NXPH2: variants seen among roughly 807,000 people sequenced by gnomAD.
NXPH2 encodes neurexophilin-2.
NXPH2 carries 5 observed loss-of-function variants against 19.8 expected under a neutral mutation model. That is an observed-to-expected ratio of 0.25 (90% CI 0.13 to 0.53). The LOEUF (loss-of-function observed/expected upper bound fraction) is 0.53. Ranked by LOEUF, NXPH2 falls within the 20% of genes least tolerant of loss-of-function variation. The pLI, the probability that NXPH2 is intolerant of heterozygous loss-of-function variation, is 0.96. For missense variants in NXPH2, 289 were observed against 322.8 expected (o/e 0.90, Z 0.80); for synonymous variants, 154 against 127.4 (o/e 1.21, Z -1.41).
chr2:138,692,080 T>C (rs1680755567), intron 1 of NXPH2, among the ~76,000 whole-genome samples: 1 of 152,204 alleles, frequency 6.6e-6, no homozygotes, highest in Non-Finnish European at 1.5e-5. Context: ...CTTTGCCCTA[T>C]AGATGAGGTT....
At chr2:138,768,513 A>G (rs1376344655) in intron 1 of NXPH2, among the ~76,000 whole-genome samples, 1 of 152,246 alleles carries the variant, frequency 6.6e-6, no homozygotes, top group African/African-American at 2.4e-5. Flanking sequence ...AGAACACAGC[A>G]TCTTAAATGA....
rs942165922 is a variant in NXPH2 at position 138,670,833 on chromosome 2, G to A, written c.*89C>T. On this transcript the variant is annotated 3_prime_UTR_variant, in exon 2 of 2. Coordinates refer to ENST00000272641, the MANE Select transcript of NXPH2 (RefSeq NM_007226.3). ...CTATTGTTCACTGCCAGAAACAAAA[G>A]GGATCCTTTATCATAAAGAGCTGGG... The A allele has an allele frequency of 2.2e-6, 3 of 1,380,420 alleles. No individual in the cohort carries two copies. Among genetic ancestry groups the A allele is most frequent in the African/African-American group, 1.4e-5 (1 of 69,122 alleles). 85.5% of individuals were successfully genotyped at this position (1,380,420 alleles called of 1,614,324 possible).
At chr2:138,724,814 A>G (rs1681335000) in intron 1 of NXPH2, among the ~76,000 whole-genome samples, 1 of 152,240 alleles carries the variant, frequency 6.6e-6, no homozygotes. Flanking sequence ...ACAAACAGCA[A>G]CAGAGTGCTT....
chr2:138,694,014 A>T (rs1424690638), intron 1 of NXPH2, among the ~76,000 whole-genome samples: 1 of 152,194 alleles, frequency 6.6e-6, no homozygotes, highest in East Asian at 1.9e-4. Context: ...TGTTAAAGAA[A>T]AATGAAACTT....
rs1266295883 is a variant in NXPH2 at position 138,669,898 on chromosome 2, T to C, written c.*1024A>G. 6.6e-6 allele frequency among the ~76,000 whole-genome samples: 1 copy of C among 152,198 alleles called. No individual in the cohort carries two copies. Among genetic ancestry groups the C allele is most frequent in the Non-Finnish European group, 1.5e-5 (1 of 68,014 alleles). On this transcript the variant is annotated 3_prime_UTR_variant, in exon 2 of 2. Coordinates refer to ENST00000272641, the MANE Select transcript of NXPH2 (RefSeq NM_007226.3). Reference sequence around the variant, plus strand: ...TATAACTCTCTATTTCCACATAGAGTTTGATCTCTTATTCAAATATTAACT... The same window carrying C: ...TATAACTCTCTATTTCCACATAGAGCTTGATCTCTTATTCAAATATTAACT...
intron 1 of NXPH2, among the ~76,000 whole-genome samples, chr2:138,690,500 G>A (rs186826757): frequency 6.6e-6 from 1 of 152,032 alleles, no homozygotes; most frequent in Non-Finnish European, 1.5e-5. Flanking sequence ...TCTAGAGATG[G>A]GTCCTTCTGG....
chr2:138,747,080 T>C (rs1430842106), intron 1 of NXPH2, among the ~76,000 whole-genome samples: 4 of 152,166 alleles, frequency 2.6e-5, no homozygotes, highest in Admixed American at 1.3e-4. Flanking sequence ...AAGATAAATC[T>C]CAAGATATTT....
chr2:138,746,971 G>T (rs1002935224), intron 1 of NXPH2, among the ~76,000 whole-genome samples: 3 of 152,014 alleles, frequency 2.0e-5, no homozygotes, highest in African/African-American at 7.2e-5. Flanking sequence ...TCTAAATCTT[G>T]CAAGAAGCTT....
intron 1 of NXPH2, among the ~76,000 whole-genome samples, chr2:138,734,801 A>C (rs1332075567): frequency 6.6e-6 from 1 of 152,192 alleles, no homozygotes; most frequent in African/African-American, 2.4e-5. Flanking sequence ...AACCATTTGC[A>C]AAGAGATGCA....
chr2:138,689,890 A>G (rs1680722394), intron 1 of NXPH2, among the ~76,000 whole-genome samples: 1 of 152,126 alleles, frequency 6.6e-6, no homozygotes, highest in Non-Finnish European at 1.5e-5. Context: ...CACTGGCAAC[A>G]TCTCTTAAAA....
chr2:138,767,229 C>T (rs1172568103), intron 1 of NXPH2, among the ~76,000 whole-genome samples: 1 of 152,248 alleles, frequency 6.6e-6, no homozygotes, highest in Non-Finnish European at 1.5e-5. Flanking sequence ...TGGAACCCTT[C>T]AGTGGAACCC....
At chr2:138,756,151 T>C (rs1681905874) in intron 1 of NXPH2, among the ~76,000 whole-genome samples, 1 of 152,052 alleles carries the variant, frequency 6.6e-6, no homozygotes, top group African/African-American at 2.4e-5. Flanking sequence ...AATTACTCTT[T>C]ATGTAATCAG....
chr2:138,718,252 G>A (rs1274896419), intron 1 of NXPH2, among the ~76,000 whole-genome samples: 3 of 151,988 alleles, frequency 2.0e-5, no homozygotes, highest in Admixed American at 1.3e-4. Flanking sequence ...TTTACATACT[G>A]TTGAAATTAG....
intron 1 of NXPH2, among the ~76,000 whole-genome samples, chr2:138,692,576 T>G (rs1320134297): frequency 6.6e-6 from 1 of 152,210 alleles, no homozygotes; most frequent in East Asian, 1.9e-4. Context: ...ATGGAGCAAG[T>G]ATTGTTAATG....
At chr2:138,764,091 G>T (rs1682056944) in intron 1 of NXPH2, among the ~76,000 whole-genome samples, 1 of 152,096 alleles carries the variant, frequency 6.6e-6, no homozygotes, top group South Asian at 2.1e-4. Flanking sequence ...CTACAGAGGA[G>T]TTATGCACTT....
chr2:138,671,045 G>A lies in NXPH2; in HGVS notation c.672C>T (p.Cys224=). ...TGCAAATGACCTTGAAGGGCTTGGA[G>A]CACAACCAAGACACATGGCTCTGAG... ...EQTQSHVSWL[C]SKPFKVICIY... Residue 224 remains cysteine, a synonymous_variant, in exon 2 of 2, where the codon TGC becomes TGT. Transcript: ENST00000272641. The A allele has an allele frequency of 6.2e-7, 1 of 1,614,002 alleles. No individual in the cohort carries two copies. The highest frequency in any genetic ancestry group is 8.5e-7 in the Non-Finnish European group (1 of 1,179,876).
chr2:138,737,823 A>C (rs1404742040), intron 1 of NXPH2, among the ~76,000 whole-genome samples: 2 of 152,194 alleles, frequency 1.3e-5, no homozygotes, highest in African/African-American at 4.8e-5. Flanking sequence ...CATCCTTTGG[A>C]AGACATTGCC....
At position 138,671,660 on chromosome 2, in the gene NXPH2, A is replaced by G; in HGVS notation, c.57T>C (p.Phe19=). 1 of 1,541,794 alleles carries G rather than the reference A, an allele frequency of 6.5e-7. No homozygotes were observed. Among genetic ancestry groups the G allele is most frequent in the Non-Finnish European group, 8.7e-7 (1 of 1,146,620 alleles). The change falls in exon 2 of 2, where the codon TTT becomes TTC. Residue 19 remains phenylalanine (F), a synonymous_variant. Coordinates refer to ENST00000272641, the MANE Select transcript of NXPH2 (RefSeq NM_007226.3). The stretch of plus-strand genomic sequence containing the variant: ...CATGCACCACTTCCTTACTGTCACA[A>G]AATAGCTGTTTGAAAAGAAGAAAGA... ...VVVPGLLQLL[F]CDSKEVVHAT... is the part of the protein sequence containing the mutation.
intron 1 of NXPH2, among the ~76,000 whole-genome samples, chr2:138,758,107 C>T (rs1405918442): frequency 6.6e-6 from 1 of 152,044 alleles, no homozygotes; most frequent in Non-Finnish European, 1.5e-5. Context: ...TCTTCTAAAT[C>T]CACAGACTAA....
Sources: allele counts gnomAD v4.1 joint callset (sites outside exome capture counted in the v4.1 genomes callset), GRCh38; gene constraint gnomAD v4.1.1; transcripts MANE v1.5; gene names NCBI Gene and HGNC (gene_info 2026-07-23, HGNC 2026-07-21).